Variants in MAML3 observed in about 807,000 individuals in gnomAD.
The protein encoded by MAML3 is mastermind like transcriptional coactivator 3.
In MAML3, 27 loss-of-function variants were observed where a neutral mutation model predicts 101.9. That is an observed-to-expected ratio of 0.27 (90% CI 0.20 to 0.37). MAML3 has a LOEUF of 0.37. MAML3 is among the 10% of genes least tolerant of loss of function. The pLI is 1.00. For synonymous variants in MAML3, 501 were observed against 555.9 expected (o/e 0.90, Z 1.39); for missense variants, 1,316 against 1,444.9 (o/e 0.91, Z 1.45).
At chr4:139,779,439 A>G (rs1730159077) in intron 2 of MAML3, among the ~76,000 whole-genome samples, 1 of 152,198 alleles carries the variant, frequency 6.6e-6, no homozygotes. Flanking sequence ...ATCACCCCAA[A>G]AGTCCTAGTG....
At chr4:139,973,270 C>G (rs1454136165) in intron 1 of MAML3, among the ~76,000 whole-genome samples, 2 of 152,198 alleles carry the variant, frequency 1.3e-5, no homozygotes, top group Non-Finnish European at 2.9e-5. Context: ...AGCAGGATTT[C>G]TCCAACAAGT....
At chr4:139,842,865 G>A (rs1272651718) in intron 2 of MAML3, among the ~76,000 whole-genome samples, 2 of 124,250 alleles carry the variant, frequency 1.6e-5, no homozygotes, top group Admixed American at 2.1e-4. Context: ...TGTAACCTCC[G>A]CCTCCTGGTT....
At position 140,013,754 on chromosome 4, in the gene MAML3, G is replaced by A. The variant is rs117138401; in HGVS notation, c.469-122787C>T. On this transcript the variant is annotated intron_variant, in intron 1 of 4. Transcript: ENST00000509479. Reference sequence around the variant, plus strand: ...TGAGCTCTGACCATAATGCCATAGGGCTTCAGTCTTACTTCCCCATCCCCA... The same window carrying A: ...TGAGCTCTGACCATAATGCCATAGGACTTCAGTCTTACTTCCCCATCCCCA... Among the ~76,000 whole-genome samples the A allele has an allele frequency of 4.0e-4, 61 of 152,284 alleles. 1 individual carries two copies. The East Asian group carries it at 9.1e-3, about 23-fold the overall frequency.
At chr4:139,776,782 G>C (rs1022122820) in intron 2 of MAML3, among the ~76,000 whole-genome samples, 1 of 94,446 alleles carries the variant, frequency 1.1e-5, no homozygotes. Context: ...CTTAGAAAAA[G>C]AGTGACATGT....
intron 1 of MAML3, among the ~76,000 whole-genome samples, chr4:140,127,407 T>C (rs1728701030): frequency 6.9e-6 from 1 of 145,656 alleles, no homozygotes; most frequent in Non-Finnish European, 1.5e-5. Context: ...GTATATGGTA[T>C]GTCCAAAAGG....
chr4:139,936,956 A>G (rs1253588959), intron 1 of MAML3, among the ~76,000 whole-genome samples: 1 of 152,214 alleles, frequency 6.6e-6, no homozygotes, highest in African/African-American at 2.4e-5. Context: ...TTATTTTGCT[A>G]TATAATGAAA....
intron 1 of MAML3, among the ~76,000 whole-genome samples, chr4:140,067,454 C>G (rs1254785234): frequency 6.6e-6 from 1 of 152,044 alleles, no homozygotes; most frequent in Admixed American, 6.5e-5. Flanking sequence ...ATAAAACTTG[C>G]TAACAATGTC....
At chr4:139,961,047 T>C (rs1387782924) in intron 1 of MAML3, among the ~76,000 whole-genome samples, 1 of 152,160 alleles carries the variant, frequency 6.6e-6, no homozygotes, top group East Asian at 1.9e-4. Context: ...GGTTCCAGTC[T>C]GGCAAAAGAT....
chr4:140,113,342 T>C (rs1251382747), intron 1 of MAML3, among the ~76,000 whole-genome samples: 3 of 151,988 alleles, frequency 2.0e-5, no homozygotes, highest in Non-Finnish European at 4.4e-5. Flanking sequence ...CTATATGAAA[T>C]TTCTAGGGCC....
At chr4:139,935,851 C>T (rs1733497039) in intron 1 of MAML3, among the ~76,000 whole-genome samples, 1 of 152,088 alleles carries the variant, frequency 6.6e-6, no homozygotes, top group African/African-American at 2.4e-5. Flanking sequence ...TTAACATATC[C>T]ATCACCTCAC....
At chr4:140,008,574 C>T (rs1480401367) in intron 1 of MAML3, among the ~76,000 whole-genome samples, 1 of 149,952 alleles carries the variant, frequency 6.7e-6, no homozygotes, top group Non-Finnish European at 1.5e-5. Flanking sequence ...GATGAAAAAG[C>T]AAATGACAGG....
intron 2 of MAML3, among the ~76,000 whole-genome samples, chr4:139,806,865 T>G (rs1730709164): frequency 6.6e-6 from 1 of 152,216 alleles, no homozygotes; most frequent in South Asian, 2.1e-4. Context: ...ATCAAGACAT[T>G]ATATTTGTCT....
intron 2 of MAML3, among the ~76,000 whole-genome samples, chr4:139,857,123 G>A (rs961548368): frequency 5.9e-5 from 9 of 152,214 alleles, no homozygotes; most frequent in African/African-American, 1.4e-4. Context: ...ACAAGAAAGA[G>A]GAGTGGGGAG....
At chr4:139,764,104 A>G (rs1223455808) in intron 2 of MAML3, among the ~76,000 whole-genome samples, 2 of 152,216 alleles carry the variant, frequency 1.3e-5, no homozygotes, top group Non-Finnish European at 2.9e-5. Context: ...AGCTGAGCAA[A>G]CTGAAGTAGC....
intron 2 of MAML3, among the ~76,000 whole-genome samples, chr4:139,850,725 T>G (rs574658876): frequency 5.3e-5 from 8 of 152,142 alleles, no homozygotes; most frequent in African/African-American, 1.9e-4. Flanking sequence ...GTGTTTGTGG[T>G]AAAGACGGGC....
intron 2 of MAML3, among the ~76,000 whole-genome samples, chr4:139,867,546 C>T (rs1731923765): frequency 6.6e-6 from 1 of 152,040 alleles, no homozygotes; most frequent in African/African-American, 2.4e-5. Flanking sequence ...TCTCATTTGG[C>T]CAATGAGGAA....
At chr4:140,008,291 G>A (rs1465697725) in intron 1 of MAML3, among the ~76,000 whole-genome samples, 1 of 152,152 alleles carries the variant, frequency 6.6e-6, no homozygotes, top group Non-Finnish European at 1.5e-5. Context: ...AGGTTGCAGT[G>A]GGCCCAGATC....
At chr4:139,817,797 T>G (rs1291518358) in intron 2 of MAML3, among the ~76,000 whole-genome samples, 1 of 152,314 alleles carries the variant, frequency 6.6e-6, no homozygotes, top group Non-Finnish European at 1.5e-5. Context: ...CAGTATGTCT[T>G]CCAGCTTTGC....
chr4:139,908,464 T>C (rs1732858683), intron 1 of MAML3, among the ~76,000 whole-genome samples: 1 of 152,218 alleles, frequency 6.6e-6, no homozygotes, highest in East Asian at 1.9e-4. Context: ...ATAAAGGTTA[T>C]AAGGGGAATG....
Sources: gnomAD v4.1 joint callset for allele counts (sites outside exome capture counted in the v4.1 genomes callset) on GRCh38, gnomAD v4.1.1 for gene constraint, MANE v1.5 for transcripts, NCBI Gene and HGNC (gene_info 2026-07-23, HGNC 2026-07-21) for gene names.